Variants in CDK12 observed in about 807,000 individuals in gnomAD.
CDK12 encodes cyclin-dependent kinase 12.
CDK12 carries 17 observed loss-of-function variants against 133.8 expected under a neutral mutation model. The ratio of observed to expected loss-of-function variants is 0.13; its 90% CI spans 0.09 to 0.19. CDK12 has a LOEUF of 0.19. Ranked by LOEUF, CDK12 falls within the 10% of genes least tolerant of loss-of-function variation. The pLI, the probability that CDK12 is intolerant of heterozygous loss-of-function variation, is 1.00. For synonymous variants in CDK12, 694 were observed against 683.6 expected, an observed-to-expected ratio of 1.02 and a Z score of -0.24; for missense variants, 1,508 against 1,818.7, an observed-to-expected ratio of 0.83 and a Z score of 3.11.
chr17:39,517,791 A>G (rs1190730038), intron 10 of CDK12, among the ~76,000 whole-genome samples: 6 of 152,192 alleles, frequency 3.9e-5, no homozygotes, highest in Admixed American at 3.9e-4. Flanking sequence ...AAATTTTCTC[A>G]TAGCCTTCTT....
intron 2 of CDK12, among the ~76,000 whole-genome samples, chr17:39,488,111 G>A (rs527848767): frequency 3.1e-4 from 47 of 152,052 alleles, no homozygotes; most frequent in African/African-American, 9.2e-4. Context: ...GGTGTGTGCC[G>A]TGGTCCCAGC....
At chr17:39,544,183 A>G (rs2055559317), upstream of CDK12, 1 of 476,636 alleles carries the variant, frequency 2.1e-6, no homozygotes. Flanking sequence ...GTGCAAGACC[A>G]AAGATGTTCT....
chr17:39,478,590 C>T (rs1233643742), intron 2 of CDK12, among the ~76,000 whole-genome samples: 3 of 152,224 alleles, frequency 2.0e-5, no homozygotes, highest in Middle Eastern at 6.8e-3. Context: ...CCTATAATCC[C>T]AGCCCTTTGG....
At chr17:39,518,891 G>A (rs893844765) in intron 10 of CDK12, among the ~76,000 whole-genome samples, 5 of 151,972 alleles carry the variant, frequency 3.3e-5, no homozygotes, top group African/African-American at 4.8e-5. Flanking sequence ...TTGTGTTATA[G>A]CACAGCATTT....
intron 5 of CDK12, among the ~76,000 whole-genome samples, chr17:39,496,775 T>C (rs1331307554): frequency 2.6e-5 from 4 of 152,142 alleles, no homozygotes; most frequent in Non-Finnish European, 5.9e-5. Flanking sequence ...TTATGATTTA[T>C]TTTCATTGTA....
chr17:39,463,134 A>G lies in CDK12; in HGVS notation c.1046+17A>G. ...ACTCCCCAGGTGAGCTATTTGTCTA[A>G]CAGTCCTTCCTCATTTAGGGTGGGT... On this transcript the variant is annotated intron_variant, in intron 1 of 13. Coordinates refer to ENST00000447079, the MANE Select transcript of CDK12 (RefSeq NM_016507.4). The G allele has an allele frequency of 6.2e-7, 1 of 1,606,888 alleles. No homozygotes were observed. Among genetic ancestry groups the G allele is most frequent in the Non-Finnish European group, 8.5e-7 (1 of 1,175,276 alleles).
chr17:39,470,870 T>C lies in CDK12; in HGVS notation c.1047-9T>C, dbSNP rs1567684013. 6.3e-7 allele frequency: 1 copy of C among 1,586,810 alleles called. No homozygotes were observed. The highest frequency in any genetic ancestry group is 8.5e-7 in the Non-Finnish European group (1 of 1,170,816). On this transcript the variant is annotated splice_polypyrimidine_tract_variant and intron_variant, in intron 1 of 13. Coordinates refer to ENST00000447079, the MANE Select transcript of CDK12 (RefSeq NM_016507.4). ...CCATTCATTTAAAACTGGCTTTTTA[T>C]TTTTCCAGTAGGAAATCCATGAAGT... is the stretch of plus-strand genomic sequence containing the variant.
chr17:39,536,286 G>A (rs1300351341), downstream of CDK12, among the ~76,000 whole-genome samples: 1 of 152,156 alleles, frequency 6.6e-6, no homozygotes, highest in Non-Finnish European at 1.5e-5. Context: ...GGTATTTAGA[G>A]TTACTGCTAT....
downstream of CDK12, among the ~76,000 whole-genome samples, chr17:39,537,269 C>T (rs1364000796): frequency 6.6e-6 from 1 of 152,250 alleles, no homozygotes. Flanking sequence ...GATGACCCTC[C>T]TCACCAAGGC....
chr17:39,503,664 T>C (rs921146898), intron 6 of CDK12, among the ~76,000 whole-genome samples: 3 of 152,146 alleles, frequency 2.0e-5, no homozygotes, highest in African/African-American at 7.2e-5. Context: ...CCAGACTAAA[T>C]TGAATTTCCT....
chr17:39,489,506 ATT>A (rs113848178), intron 2 of CDK12, among the ~76,000 whole-genome samples: 10 of 132,944 alleles, frequency 7.5e-5, no homozygotes, highest in Admixed American at 7.6e-5. Flanking sequence ...GCCTGTTCTA[ATT>A]TTTTTTTTTT....
At position 39,530,468 on chromosome 17, in the gene CDK12, C is replaced by G. The variant is rs573136120; in HGVS notation, c.3761-136C>G. ...TTGATTTATTTATAATTGCAATTTT[C>G]TGATCCCAAGATTTTATTCTTTATA... On this transcript the variant is annotated intron_variant, in intron 13 of 13. Coordinates refer to ENST00000447079, the MANE Select transcript of CDK12 (RefSeq NM_016507.4). 3.2e-5 allele frequency: 42 copies of G among 1,296,274 alleles called. No individual in the cohort carries two copies. The African/African-American group carries it at 6.1e-4, about 19-fold the overall frequency. The allele number at this position is 1,296,274 out of a possible 1,614,324, so 80.3% of individuals were successfully genotyped here. A position where few individuals can be genotyped will look rare whatever the true frequency, so the allele number is the denominator to read the frequency against.
chr17:39,519,374 T>C (rs537214611), intron 10 of CDK12, among the ~76,000 whole-genome samples: 4 of 147,232 alleles, frequency 2.7e-5, no homozygotes, highest in African/African-American at 1.0e-4. Flanking sequence ...AGCAGTGTGA[T>C]CTTGGCTCAC....
chr17:39,491,701 A>ATTTTTT (rs766596742), intron 3 of CDK12, among the ~76,000 whole-genome samples: 2 of 117,936 alleles, frequency 1.7e-5, no homozygotes, highest in African/African-American at 6.3e-5. Context: ...CTGTTTATGT[A>ATTTTTT]TTTTTTTTTT....
intron 5 of CDK12, among the ~76,000 whole-genome samples, chr17:39,499,694 A>G (rs952190818): frequency 1.3e-5 from 2 of 149,980 alleles, no homozygotes; most frequent in Non-Finnish European, 3.0e-5. Flanking sequence ...ATTTTTTTTT[A>G]GTAGAGATGG....
At chr17:39,485,168 T>C (rs1226795688) in intron 2 of CDK12, among the ~76,000 whole-genome samples, 1 of 107,474 alleles carries the variant, frequency 9.3e-6, no homozygotes, top group Non-Finnish European at 2.0e-5. Flanking sequence ...AGACTCTGTC[T>C]CAAAAAAAAA....
chr17:39,523,867 AG>A (rs965610995), intron 11 of CDK12, among the ~76,000 whole-genome samples: 2 of 152,128 alleles, frequency 1.3e-5, no homozygotes, highest in African/African-American at 4.8e-5. Flanking sequence ...TTGCCAGGCT[AG>A]TCTCGAACTC....
At chr17:39,470,750 G>T in intron 1 of CDK12, 129 bp from the exon 2 acceptor site, 1 of 773,576 alleles carries the variant, frequency 1.3e-6, no homozygotes, top group Non-Finnish European at 2.0e-6. Context: ...GACTGTCCTC[G>T]TTTTTGATGG....
At chr17:39,545,163 C>T (rs2055622985), upstream of CDK12, among the ~76,000 whole-genome samples, 1 of 152,056 alleles carries the variant, frequency 6.6e-6, no homozygotes, top group African/African-American at 2.4e-5. Flanking sequence ...TACTCTCAGC[C>T]CTCTCCTCCA....
Sources: gnomAD v4.1 joint callset for allele counts (sites outside exome capture counted in the v4.1 genomes callset) on GRCh38, gnomAD v4.1.1 for gene constraint, MANE v1.5 for transcripts, NCBI Gene and HGNC (gene_info 2026-07-23, HGNC 2026-07-21) for gene names.